TMX4: variants seen among roughly 807,000 people sequenced by gnomAD.
The protein encoded by TMX4 is thioredoxin-related transmembrane protein 4.
A neutral mutation model predicts 33.3 loss-of-function variants in TMX4; 23 were observed. The ratio of observed to expected loss-of-function variants is 0.69; its 90% CI spans 0.50 to 0.98. TMX4 has a LOEUF of 0.98. Among genes scored for constraint, TMX4 ranks in the 50% least tolerant of loss-of-function variants. The pLI is 0.00. For synonymous variants in TMX4, 164 were observed against 161.5 expected, an observed-to-expected ratio of 1.02 and a Z score of -0.12; for missense variants, 399 against 448.9, an observed-to-expected ratio of 0.89 and a Z score of 1.01.
chr20:7,985,551 G>A (rs903234117), intron 6 of TMX4, among the ~76,000 whole-genome samples: 2 of 152,004 alleles, frequency 1.3e-5, no homozygotes, highest in African/African-American at 2.4e-5. Flanking sequence ...AGGATTACAG[G>A]CCTGAGCCAC....
chr20:8,010,427 A>AG, intron 1 of TMX4, 112 bp from the exon 2 acceptor site: 1 of 641,000 alleles, frequency 1.6e-6, no homozygotes, highest in South Asian at 4.8e-5. Flanking sequence ...GAAATTATAA[A>AG]AGGAGGCTTT....
At chr20:7,988,260 A>G (rs2050639035) in intron 5 of TMX4, among the ~76,000 whole-genome samples, 1 of 152,228 alleles carries the variant, frequency 6.6e-6, no homozygotes, top group Non-Finnish European at 1.5e-5. Flanking sequence ...ATATGGCTCC[A>G]AATATCATCA....
chr20:8,017,453 T>C (rs1568540618), intron 1 of TMX4, among the ~76,000 whole-genome samples: 1 of 152,190 alleles, frequency 6.6e-6, no homozygotes, highest in African/African-American at 2.4e-5. Flanking sequence ...TATACATTCA[T>C]AAAAAAGTAA....
At chr20:7,997,814 A>G (rs1156472878) in intron 4 of TMX4, among the ~76,000 whole-genome samples, 2 of 152,236 alleles carry the variant, frequency 1.3e-5, no homozygotes, top group African/African-American at 4.8e-5. Flanking sequence ...AATTGTAAGC[A>G]TTATTCCTAA....
intron 3 of TMX4, among the ~76,000 whole-genome samples, chr20:8,000,171 A>G (rs1011669924): frequency 6.6e-6 from 1 of 152,144 alleles, no homozygotes; most frequent in Non-Finnish European, 1.5e-5. Context: ...TTTTTCTCTT[A>G]CAATAGCAAA....
At chr20:8,004,539 G>C (rs1272764264) in intron 2 of TMX4, among the ~76,000 whole-genome samples, 3 of 152,078 alleles carry the variant, frequency 2.0e-5, no homozygotes, top group Non-Finnish European at 2.9e-5. Context: ...TTAAAATGAA[G>C]ACTGTGACAC....
chr20:8,009,506 T>C (rs938057159), intron 2 of TMX4, among the ~76,000 whole-genome samples: 5 of 152,132 alleles, frequency 3.3e-5, no homozygotes, highest in African/African-American at 9.7e-5. Context: ...AGATACTTAG[T>C]GTCACCACCA....
At position 8,019,464 on chromosome 20, in the gene TMX4, C is replaced by G. The variant is rs1204162324; in HGVS notation, c.150G>C (p.Val50=). 6.6e-6 allele frequency: 10 copies of G among 1,518,476 alleles called. No individual in the cohort carries two copies. Among genetic ancestry groups the G allele is most frequent in the Non-Finnish European group, 6.2e-6 (7 of 1,132,468 alleles). 94.1% of individuals were successfully genotyped at this position (1,518,476 alleles called of 1,614,324 possible). A position where few individuals can be genotyped will look rare whatever the true frequency, so the allele number is the denominator to read the frequency against. Residue 50 remains valine, a synonymous_variant, in exon 1 of 8, where the codon GTG becomes GTC. Transcript: ENST00000246024. ...ATTTCAGCATCCACTCGCCCTCCAT[C>G]ACCAGCGTCCAGTTGGAGGCGGTCA... ...QPMTASNWTL[V]MEGEWMLKFY...
rs1478813095 is a variant in TMX4 at position 8,019,457 on chromosome 20, C to T, written c.157G>A (p.Gly53Ser). 2 of 1,518,766 alleles carry T rather than the reference C, an allele frequency of 1.3e-6. No homozygotes were observed. The highest frequency in any genetic ancestry group is 1.2e-5 in the South Asian group (1 of 81,806). 94.1% of individuals were successfully genotyped at this position (1,518,766 alleles called of 1,614,324 possible). The part of the protein sequence containing the change: ...TASNWTLVME[G>S]EWMLKFYAPW... The stretch of plus-strand genomic sequence containing the variant: ...ACTCACAATTTCAGCATCCACTCGC[C>T]CTCCATCACCAGCGTCCAGTTGGAG... The change falls in exon 1 of 8, where the codon GGC (glycine) becomes AGC (serine). Residue 53 changes from glycine (G) to serine (S), a missense_variant. Gly to Ser is a moderately conservative substitution (Grantham distance 56). Coordinates refer to ENST00000246024, the MANE Select transcript of TMX4 (RefSeq NM_021156.4).
chr20:8,017,516 A>C, intron 1 of TMX4, among the ~76,000 whole-genome samples: 1 of 152,222 alleles, frequency 6.6e-6, no homozygotes, highest in East Asian at 1.9e-4. Context: ...CTCCCTCAAA[A>C]ACTTATTGAG....
intron 2 of TMX4, among the ~76,000 whole-genome samples, chr20:8,006,760 C>CTT (rs3030970): frequency 0.015 from 2,039 of 139,464 alleles, 62 homozygotes; most frequent in African/African-American, 0.049. Context: ...ACTTCTTCTT[C>CTT]TTTTTTTTTT....
At chr20:8,007,414 C>T (rs2050735417) in intron 2 of TMX4, among the ~76,000 whole-genome samples, 1 of 152,204 alleles carries the variant, frequency 6.6e-6, no homozygotes, top group Admixed American at 6.5e-5. Flanking sequence ...TACCTCCTAA[C>T]CATTCTCCCT....
chr20:8,019,563 C>T lies in TMX4; in HGVS notation c.51G>A (p.Trp17Ter). 1 of 1,425,094 alleles carries T rather than the reference C, an allele frequency of 7.0e-7. No individual in the cohort carries two copies. Among genetic ancestry groups the T allele is most frequent in the East Asian group, 3.1e-5 (1 of 32,716 alleles). The allele number at this position is 1,425,094 out of a possible 1,614,324, so 88.3% of individuals were successfully genotyped here. A position where few individuals can be genotyped will look rare whatever the true frequency, so the allele number is the denominator to read the frequency against. Residue 17 changes from tryptophan to a stop codon, truncating the protein, a stop_gained, in exon 1 of 8, where the codon TGG becomes TGA. Transcript: ENST00000246024. LOFTEE classifies it high-confidence loss of function. ...GPQLTALLAAWIAAVAATAGP... is the reference protein window; with the variant it reads ...GPQLTALLAA ...CTGCCGTCGCCGCCACAGCCGCGAT[C>T]CAGGCGGCCAGGAGCGCCGTTAGCT...
At chr20:8,004,126 A>G (rs1332229736) in intron 2 of TMX4, among the ~76,000 whole-genome samples, 1 of 148,096 alleles carries the variant, frequency 6.8e-6, no homozygotes, top group African/African-American at 2.5e-5. Flanking sequence ...ATTCATCTCA[A>G]AAAAAAAAAA....
intron 1 of TMX4, chr20:8,018,971 C>A: frequency 2.3e-6 from 1 of 439,902 alleles, no homozygotes. Flanking sequence ...CTTGCTTAGC[C>A]TGTGCTACGT....
At position 8,019,739 on chromosome 20, in the gene TMX4, A is replaced by G. The variant is rs2205783; in HGVS notation, c.-126T>C. ...CGCAAGGGCCACCCCGCCTACGCCT[A>G]GCGGCGCAGACTGGCGGTGCTCGCA... On this transcript the variant is annotated 5_prime_UTR_variant, in exon 1 of 8. Transcript: ENST00000246024. 0.5 allele frequency: 411,923 copies of G among 824,886 alleles called. 112,222 individuals are homozygous for G. Among genetic ancestry groups the G allele is most frequent in the East Asian group, 0.94 (26,942 of 28,744 alleles). 51.1% of individuals were successfully genotyped at this position (824,886 alleles called of 1,614,324 possible).
chr20:7,999,893 G>A (rs1404614363), intron 3 of TMX4, 33 bp from the exon 4 acceptor site: 1 of 1,590,508 alleles, frequency 6.3e-7, no homozygotes, highest in South Asian at 1.2e-5. Context: ...GAAAGCAAAT[G>A]CATTAAAATA....
chr20:7,990,803 A>T (rs1034501763), intron 5 of TMX4, among the ~76,000 whole-genome samples: 3 of 152,340 alleles, frequency 2.0e-5, no homozygotes, highest in Admixed American at 6.5e-5. Flanking sequence ...CCCTGCAAGG[A>T]AACAGCTAGA....
At chr20:7,985,874 A>G (rs1446717212) in intron 6 of TMX4, among the ~76,000 whole-genome samples, 1 of 152,188 alleles carries the variant, frequency 6.6e-6, no homozygotes, top group Non-Finnish European at 1.5e-5. Context: ...ATAGGCAGGC[A>G]GGCCTGACTC....
Sources: gnomAD v4.1 joint callset for allele counts (sites outside exome capture counted in the v4.1 genomes callset) on GRCh38, gnomAD v4.1.1 for gene constraint, MANE v1.5 for transcripts, NCBI Gene and HGNC (gene_info 2026-07-23, HGNC 2026-07-21) for gene names.